DPYD: variants seen among roughly 807,000 people sequenced by gnomAD.
DPYD encodes the protein dihydropyrimidine dehydrogenase.
Under a neutral mutation model 116.2 loss-of-function variants are expected in DPYD, and 109 were observed. The observed-to-expected ratio is 0.94, with a 90% CI of 0.80 to 1.10. The LOEUF is 1.10. DPYD is among the 50% of genes least tolerant of loss of function. The pLI is 0.00. For missense variants in DPYD, 1,302 were observed against 1,254.5 expected (o/e 1.04, Z -0.57); for synonymous variants, 440 against 432.0 (o/e 1.02, Z -0.23).
intron 8 of DPYD, among the ~76,000 whole-genome samples, chr1:97,675,751 CTTTT>C (rs771245189): frequency 7.0e-6 from 1 of 142,248 alleles, no homozygotes; most frequent in Admixed American, 7.1e-5. Flanking sequence ...GAAAGTATCT[CTTTT>C]TTTTTTTTTT....
In DPYD at chr1:97,308,588, T is replaced by C. The variant is rs553174072; in HGVS notation, c.2059-2291A>G. ...TGGTGAGGTCAATAACATCATGAAA[T>C]GAATCTATATACTTCAGGGAATTCA... On this transcript the variant is annotated intron_variant, in intron 16 of 22. Transcript: ENST00000370192. 2.0e-5 allele frequency among the ~76,000 whole-genome samples: 3 copies of C among 151,978 alleles called. No individual in the cohort carries two copies. The East Asian group carries it at 5.8e-4, about 30-fold the overall frequency.
At chr1:97,474,375 T>C (rs1417158183) in intron 13 of DPYD, among the ~76,000 whole-genome samples, 4 of 152,128 alleles carry the variant, frequency 2.6e-5, no homozygotes, top group African/African-American at 9.7e-5. Context: ...ACCAAAGATA[T>C]ATTTACAATT....
intron 18 of DPYD, among the ~76,000 whole-genome samples, chr1:97,241,007 GA>G (rs1478016609): frequency 6.6e-6 from 1 of 151,804 alleles, no homozygotes; most frequent in African/African-American, 2.4e-5. Context: ...AGAAGAAATG[GA>G]AAAAATAAAG....
chr1:97,114,462 C>T (rs1271076461), intron 20 of DPYD, among the ~76,000 whole-genome samples: 1 of 152,090 alleles, frequency 6.6e-6, no homozygotes, highest in East Asian at 1.9e-4. Context: ...ATGTCCTAAC[C>T]ATTTTATAAG....
intron 18 of DPYD, among the ~76,000 whole-genome samples, chr1:97,243,286 C>A (rs1343523102): frequency 6.6e-6 from 1 of 151,916 alleles, no homozygotes; most frequent in African/African-American, 2.4e-5. Flanking sequence ...TATGAGTTAA[C>A]TTTTAAGATT....
chr1:97,776,954 G>A (rs1053514479), intron 3 of DPYD, among the ~76,000 whole-genome samples: 4 of 152,110 alleles, frequency 2.6e-5, no homozygotes, highest in South Asian at 2.1e-4. Context: ...ACATAAAGGC[G>A]CAAAGCTACA....
At chr1:97,466,391 G>T (rs565766751) in intron 13 of DPYD, among the ~76,000 whole-genome samples, 1 of 151,824 alleles carries the variant, frequency 6.6e-6, no homozygotes, top group Non-Finnish European at 1.5e-5. Flanking sequence ...TTTTCTTTTC[G>T]GCTGTAATCA....
intron 13 of DPYD, among the ~76,000 whole-genome samples, chr1:97,479,328 T>A (rs1486901586): frequency 2.0e-5 from 3 of 152,190 alleles, no homozygotes; most frequent in Non-Finnish European, 4.4e-5. Flanking sequence ...GAGAACACTG[T>A]TGTATTATTA....
chr1:97,083,659 T>C (rs563366317), intron 21 of DPYD, among the ~76,000 whole-genome samples: 3 of 152,266 alleles, frequency 2.0e-5, no homozygotes, highest in Admixed American at 2.0e-4. Context: ...TATTTCCATT[T>C]TGAAATGCTC....
intron 13 of DPYD, among the ~76,000 whole-genome samples, chr1:97,496,939 GT>G (rs147872824): frequency 0.016 from 2,490 of 151,988 alleles, 69 homozygotes; most frequent in African/African-American, 0.057. Flanking sequence ...CAAGTATGTG[GT>G]TTAAGAGCAC....
Position 97,082,283 on chromosome 1 carries a change from A to G in DPYD, c.2907+47T>C, listed in dbSNP as rs772367530. The G allele has an allele frequency of 3.7e-6, 6 of 1,612,160 alleles. No individual in the cohort carries two copies. The South Asian group carries it at 6.6e-5, about 18-fold the overall frequency. The stretch of plus-strand genomic sequence containing the variant: ...AGAAAATGCTTTCTGCCGTAAAAAC[A>G]AGAAGAAACATGTCTCATAGCATTC... On this transcript the variant is annotated intron_variant, in intron 22 of 22. Coordinates refer to ENST00000370192, the MANE Select transcript of DPYD (RefSeq NM_000110.4).
intron 3 of DPYD, among the ~76,000 whole-genome samples, chr1:97,783,787 T>C (rs577317147): frequency 1.4e-4 from 22 of 152,140 alleles, no homozygotes; most frequent in African/African-American, 5.3e-4. Context: ...GGAAGACAAC[T>C]CATTCAGAGA....
intron 20 of DPYD, among the ~76,000 whole-genome samples, chr1:97,148,973 T>C (rs991135438): frequency 6.6e-6 from 1 of 152,218 alleles, no homozygotes; most frequent in Non-Finnish European, 1.5e-5. Flanking sequence ...TTGGGCTTGA[T>C]AGATATTAAT....
At chr1:97,537,378 C>T (rs568831122) in intron 12 of DPYD, among the ~76,000 whole-genome samples, 2 of 152,250 alleles carry the variant, frequency 1.3e-5, no homozygotes, top group African/African-American at 4.8e-5. Flanking sequence ...TATTAAAATG[C>T]TGTCATCTTA....
intron 20 of DPYD, among the ~76,000 whole-genome samples, chr1:97,162,034 G>C (rs1377489446): frequency 6.6e-6 from 1 of 151,754 alleles, no homozygotes; most frequent in Non-Finnish European, 1.5e-5. Context: ...ATAAACATAC[G>C]TGTGCATGTG....
intron 20 of DPYD, among the ~76,000 whole-genome samples, chr1:97,179,274 G>C (rs1437679602): frequency 6.6e-6 from 1 of 152,104 alleles, no homozygotes; most frequent in Non-Finnish European, 1.5e-5. Flanking sequence ...TACCACAAAT[G>C]CTATGTGTTT....
At chr1:97,723,724 G>C (rs903626811) in intron 4 of DPYD, among the ~76,000 whole-genome samples, 1 of 151,326 alleles carries the variant, frequency 6.6e-6, no homozygotes, top group Non-Finnish European at 1.5e-5. Context: ...CTCTAAAAGA[G>C]GTTAATAATA....
chr1:97,883,834 C>CA (rs11414362), intron 1 of DPYD: 268,448 of 377,768 alleles, frequency 0.71, 80,626 homozygotes, highest in African/African-American at 0.85. Flanking sequence ...TTAGGAATCA[C>CA]AAAAAAAAAA....
chr1:97,369,650 A>G (rs1315566384), intron 16 of DPYD, among the ~76,000 whole-genome samples: 2 of 152,190 alleles, frequency 1.3e-5, no homozygotes, highest in African/African-American at 4.8e-5. Context: ...TTTATTTTTC[A>G]TGCTGTAATA....
Sources: gnomAD v4.1 joint callset for allele counts (sites outside exome capture counted in the v4.1 genomes callset) on GRCh38, gnomAD v4.1.1 for gene constraint, MANE v1.5 for transcripts, NCBI Gene and HGNC (gene_info 2026-07-23, HGNC 2026-07-21) for gene names.